VPS41: variants seen among roughly 807,000 people sequenced by gnomAD.
The protein encoded by VPS41 is vacuolar protein sorting-associated protein 41 homolog.
In VPS41, 85 loss-of-function variants were observed where a neutral mutation model predicts 130.9. That is an observed-to-expected ratio of 0.65 (90% CI 0.55 to 0.78). VPS41 has a LOEUF of 0.78. VPS41 is among the 30% of genes least tolerant of loss of function. The probability of loss-of-function intolerance (pLI) is 0.00; values close to 1 mark genes in which losing one functional copy is unlikely to be tolerated. For missense variants in VPS41, 874 were observed against 1,018.7 expected, an observed-to-expected ratio of 0.86 and a Z score of 1.93; for synonymous variants, 335 against 332.9, an observed-to-expected ratio of 1.01 and a Z score of -0.07.
chr7:38,897,628 G>C (rs967709575), intron 2 of VPS41, among the ~76,000 whole-genome samples: 14 of 129,064 alleles, frequency 1.1e-4, no homozygotes, highest in Admixed American at 8.0e-4. Flanking sequence ...CTGGGCAACA[G>C]AGCGAGACTC....
chr7:38,829,344 GTATACTGTTTTTAAT>G (rs1466591549), intron 5 of VPS41, among the ~76,000 whole-genome samples: 1 of 152,078 alleles, frequency 6.6e-6, no homozygotes, highest in Non-Finnish European at 1.5e-5. Flanking sequence ...TTTACACCGG[GTATACTGTTTTTAAT>G]TTACCCATCT....
chr7:38,850,858 A>G (rs1004533172), intron 4 of VPS41, among the ~76,000 whole-genome samples: 1 of 152,208 alleles, frequency 6.6e-6, no homozygotes, highest in Non-Finnish European at 1.5e-5. Context: ...CTAGAAATCT[A>G]AGTGGCAATG....
At chr7:38,774,379 A>G in intron 11 of VPS41, 135 bp from the exon 12 acceptor site, 2 of 776,448 alleles carry the variant, frequency 2.6e-6, no homozygotes, top group South Asian at 4.2e-5. Context: ...GTAATTTATA[A>G]AGGAAAGAGG....
chr7:38,866,145 T>C (rs1786224006), intron 3 of VPS41, among the ~76,000 whole-genome samples: 1 of 152,192 alleles, frequency 6.6e-6, no homozygotes, highest in East Asian at 1.9e-4. Flanking sequence ...CCAAGTGTTG[T>C]GGCCAGAGCA....
intron 4 of VPS41, among the ~76,000 whole-genome samples, chr7:38,843,649 T>A (rs1167205877): frequency 6.7e-6 from 1 of 149,566 alleles, no homozygotes; most frequent in East Asian, 2.0e-4. Flanking sequence ...ACCACTGCAG[T>A]CCGGCCTGGG....
chr7:38,821,162 G>T, intron 6 of VPS41, 41 bp downstream of exon 6: 2 of 1,507,286 alleles, frequency 1.3e-6, no homozygotes, highest in South Asian at 1.1e-5. Context: ...TGCCTTACTT[G>T]AGAAAACCCT....
intron 6 of VPS41, among the ~76,000 whole-genome samples, chr7:38,820,048 C>T (rs990200208): frequency 6.6e-6 from 1 of 152,148 alleles, no homozygotes; most frequent in Non-Finnish European, 1.5e-5. Context: ...CCTACTGCAA[C>T]TGATGGCATC....
rs781492647 is a variant in VPS41, at chr7:38,726,243, G to T, written c.*3C>A. 4.4e-6 allele frequency: 7 copies of T among 1,605,016 alleles called. No homozygotes were observed. The highest frequency in any genetic ancestry group is 1.1e-5 in the South Asian group (1 of 90,868). ...GACAAGGAGACTGACAAGGAGAAAT[G>T]AGCTATTTTTTCATCTCCAAAATTG... On this transcript the variant is annotated 3_prime_UTR_variant, in exon 29 of 29. Transcript: ENST00000310301.
intron 7 of VPS41, among the ~76,000 whole-genome samples, chr7:38,817,083 T>C (rs943756954): frequency 6.6e-6 from 1 of 151,856 alleles, no homozygotes. Flanking sequence ...GATAATAAAA[T>C]GTGCCATGAA....
At position 38,756,919 on chromosome 7, in the gene VPS41, G is replaced by T. The variant is rs146405914; in HGVS notation, c.1614C>A (p.Asp538Glu). 1 of 1,598,318 alleles carries T rather than the reference G, an allele frequency of 6.3e-7. No homozygotes were observed. The highest frequency in any genetic ancestry group is 8.6e-7 in the Non-Finnish European group (1 of 1,166,692). ...LEIYLTLRHK[D>E]VFQLIHKHNL... is the part of the protein sequence containing the mutation. Reference sequence around the variant, plus strand: ...TATGCTTGTGGATCAACTGAAAAACGTCTTTATGTCTTAATGTTAAGTATA... The same window carrying T: ...TATGCTTGTGGATCAACTGAAAAACTTCTTTATGTCTTAATGTTAAGTATA... Residue 538 changes from aspartate (D) to glutamate (E), a missense_variant, in exon 19 of 29, where the codon GAC becomes GAA. Asp to Glu is a conservative substitution (Grantham distance 45). Transcript: ENST00000310301.
chr7:38,884,088 T>C (rs1275107881), intron 2 of VPS41, among the ~76,000 whole-genome samples: 1 of 152,222 alleles, frequency 6.6e-6, no homozygotes, highest in Non-Finnish European at 1.5e-5. Flanking sequence ...TTAAAATTAA[T>C]ACATGTAAAG....
intron 2 of VPS41, among the ~76,000 whole-genome samples, chr7:38,883,786 G>T (rs1786663938): frequency 6.6e-6 from 1 of 151,956 alleles, no homozygotes; most frequent in South Asian, 2.1e-4. Context: ...CTAAGAAAGG[G>T]GCGTAATAGA....
At chr7:38,899,802 T>G (rs931583403) in intron 1 of VPS41, among the ~76,000 whole-genome samples, 2 of 152,212 alleles carry the variant, frequency 1.3e-5, no homozygotes, top group Admixed American at 6.5e-5. Context: ...AGATTCCTAT[T>G]TCCTGTATGT....
chr7:38,772,393 C>A, intron 13 of VPS41, 129 bp downstream of exon 13: 1 of 600,460 alleles, frequency 1.7e-6, no homozygotes, highest in Non-Finnish European at 2.8e-6. Flanking sequence ...AAGTTATTAA[C>A]TTCCTACATA....
At chr7:38,789,229 G>A (rs2115940968) in intron 10 of VPS41, among the ~76,000 whole-genome samples, 1 of 152,170 alleles carries the variant, frequency 6.6e-6, no homozygotes, top group South Asian at 2.1e-4. Context: ...CTCAAAAGGA[G>A]GTGACAGTCA....
intron 9 of VPS41, among the ~76,000 whole-genome samples, chr7:38,795,128 A>G (rs978223713): frequency 6.6e-6 from 1 of 151,768 alleles, no homozygotes; most frequent in Non-Finnish European, 1.5e-5. Flanking sequence ...AAGAATAATA[A>G]AGAGAAGAAA....
chr7:38,808,541 G>A (rs1004160003), intron 7 of VPS41, among the ~76,000 whole-genome samples: 2 of 152,206 alleles, frequency 1.3e-5, no homozygotes, highest in South Asian at 2.1e-4. Flanking sequence ...ACGTGCAACC[G>A]TTAGATTGGT....
chr7:38,863,185 A>G (rs1786158258), intron 3 of VPS41, among the ~76,000 whole-genome samples: 1 of 152,246 alleles, frequency 6.6e-6, no homozygotes, highest in South Asian at 2.1e-4. Flanking sequence ...GTTAATGTTT[A>G]TATTATCATG....
intron 25 of VPS41, among the ~76,000 whole-genome samples, chr7:38,738,810 G>A (rs1795824537): frequency 1.3e-5 from 2 of 152,164 alleles, no homozygotes; most frequent in Admixed American, 6.5e-5. Context: ...CACTAACAAG[G>A]TAGCCGGGTA....
Sources: allele counts gnomAD v4.1 joint callset (sites outside exome capture counted in the v4.1 genomes callset), GRCh38; gene constraint gnomAD v4.1.1; transcripts MANE v1.5; gene names NCBI Gene and HGNC (gene_info 2026-07-23, HGNC 2026-07-21).